Variants in ANTXR1 observed in about 807,000 individuals in gnomAD.
ANTXR1 encodes the protein ANTXR cell adhesion molecule 1.
Under a neutral mutation model 78.1 loss-of-function variants are expected in ANTXR1, and 19 were observed. The ratio of observed to expected loss-of-function variants is 0.24; its 90% CI spans 0.17 to 0.36. The LOEUF is 0.36. Among genes scored for constraint, ANTXR1 ranks in the 10% least tolerant of loss-of-function variants. ANTXR1 has a pLI of 1.00. For missense variants in ANTXR1, 518 were observed against 718.6 expected, an observed-to-expected ratio of 0.72 and a Z score of 3.19; for synonymous variants, 273 against 260.5, an observed-to-expected ratio of 1.05 and a Z score of -0.46.
At chr2:69,181,615 C>A (rs1674275547) in intron 14 of ANTXR1, among the ~76,000 whole-genome samples, 171 bp from the exon 15 acceptor site, 1 of 152,272 alleles carries the variant, frequency 6.6e-6, no homozygotes, top group East Asian at 1.9e-4. Context: ...ATAAGGAAAA[C>A]AAGCTTAGGT....
rs572597383 is a variant in ANTXR1, at chr2:69,136,442, A to C, written c.951+11799A>C. Among the ~76,000 whole-genome samples, 55 of 152,356 alleles carry C rather than the reference A, an allele frequency of 3.6e-4. 1 individual carries two copies. In the South Asian group the frequency reaches 4.3e-3, roughly 12 times the overall value. On this transcript the variant is annotated intron_variant, in intron 12 of 17. Coordinates refer to ENST00000303714, the MANE Select transcript of ANTXR1 (RefSeq NM_032208.3). The stretch of plus-strand genomic sequence containing the variant: ...ACATATAGATCATATTCTGGTGCCA[A>C]ATAAAAAACAATTGAAATCAATAGC...
chr2:69,080,247 C>T (rs928797881), intron 8 of ANTXR1, among the ~76,000 whole-genome samples: 13 of 152,140 alleles, frequency 8.5e-5, no homozygotes, highest in Non-Finnish European at 1.9e-4. Flanking sequence ...GAAATAATTA[C>T]GGCCTAAAAG....
At position 69,200,167 on chromosome 2, in the gene ANTXR1, T is replaced by G. The variant is rs570242247; in HGVS notation, c.1434+6752T>G. On this transcript the variant is annotated intron_variant, in intron 17 of 17. Transcript: ENST00000303714. The stretch of plus-strand genomic sequence containing the variant: ...ATGTCATCTGTTTTCAGATCTGGCA[T>G]CAGGAGGCCGGTACATTCCATTACT... Among the ~76,000 whole-genome samples, 6 of 152,282 alleles carry G rather than the reference T, an allele frequency of 3.9e-5. No individual in the cohort carries two copies. The East Asian group carries it at 1.2e-3, about 29-fold the overall frequency.
intron 16 of ANTXR1, among the ~76,000 whole-genome samples, chr2:69,185,166 C>G (rs546179387): frequency 1.3e-5 from 2 of 152,300 alleles, no homozygotes; most frequent in Non-Finnish European, 2.9e-5. Flanking sequence ...AATGGACATT[C>G]TTCGGCCCCA....
At chr2:69,170,968 G>T (rs1179038215) in intron 14 of ANTXR1, among the ~76,000 whole-genome samples, 2 of 152,230 alleles carry the variant, frequency 1.3e-5, no homozygotes, top group Non-Finnish European at 2.9e-5. Context: ...AGAGTGCCTA[G>T]CAAGTGGCTT....
At chr2:69,121,543 G>A (rs1285010161) in intron 10 of ANTXR1, among the ~76,000 whole-genome samples, 1 of 152,128 alleles carries the variant, frequency 6.6e-6, no homozygotes, top group African/African-American at 2.4e-5. Flanking sequence ...CCCATCCCAG[G>A]CAGCTTCCTA....
intron 17 of ANTXR1, among the ~76,000 whole-genome samples, chr2:69,239,148 T>C (rs1180599718): frequency 6.6e-6 from 1 of 152,190 alleles, no homozygotes; most frequent in Non-Finnish European, 1.5e-5. Context: ...AAAAATCTAA[T>C]GACCAACCAG....
intron 12 of ANTXR1, among the ~76,000 whole-genome samples, chr2:69,146,810 A>G (rs900540495): frequency 3.3e-5 from 5 of 152,226 alleles, no homozygotes; most frequent in African/African-American, 9.7e-5. Flanking sequence ...TCTGGCCCAG[A>G]TGGTCCCACT....
intron 17 of ANTXR1, among the ~76,000 whole-genome samples, chr2:69,228,931 G>A (rs948558262): frequency 1.3e-5 from 2 of 152,190 alleles, no homozygotes; most frequent in Admixed American, 6.5e-5. Flanking sequence ...GGAGACTGGA[G>A]GTCTGAGATC....
intron 3 of ANTXR1, among the ~76,000 whole-genome samples, chr2:69,062,637 G>A (rs983232659): frequency 2.6e-5 from 4 of 152,102 alleles, no homozygotes; most frequent in African/African-American, 9.7e-5. Context: ...ATATTATACC[G>A]AAGTCTCCAC....
chr2:69,081,992 C>T (rs1016696273), intron 8 of ANTXR1, among the ~76,000 whole-genome samples: 2 of 152,232 alleles, frequency 1.3e-5, no homozygotes, highest in African/African-American at 4.8e-5. Flanking sequence ...CCCGAATAGA[C>T]TCAAGTCTTT....
chr2:69,083,417 C>G, intron 8 of ANTXR1, among the ~76,000 whole-genome samples: 1 of 152,178 alleles, frequency 6.6e-6, no homozygotes, highest in East Asian at 1.9e-4. Context: ...CAAAGGCACC[C>G]TTCAGTCTTC....
At chr2:69,104,059 C>T (rs1308491772) in intron 10 of ANTXR1, among the ~76,000 whole-genome samples, 1 of 152,006 alleles carries the variant, frequency 6.6e-6, no homozygotes, top group East Asian at 1.9e-4. Flanking sequence ...CTGCCTCAGC[C>T]TCCTGAGTAG....
rs78641240 is a variant in ANTXR1, at chr2:69,071,835, G to A, written c.412+48G>A. ...CATTATGAATTATTTAACTTTTTCC[G>A]TGTTTGTTGCTGAAAAAGTGCTTCA... On this transcript the variant is annotated intron_variant, in intron 5 of 17. Coordinates refer to ENST00000303714, the MANE Select transcript of ANTXR1 (RefSeq NM_032208.3). 1,881 of 1,568,790 alleles carry A rather than the reference G, an allele frequency of 1.2e-3. 45 individuals are homozygous for A. In the East Asian group the frequency reaches 0.035, roughly 29 times the overall value.
At chr2:69,197,113 C>T (rs750122331) in intron 17 of ANTXR1, among the ~76,000 whole-genome samples, 24 of 152,214 alleles carry the variant, frequency 1.6e-4, no homozygotes, top group Non-Finnish European at 2.2e-4. Context: ...TTTTTGCCTG[C>T]GGTGGGCTCA....
chr2:69,093,513 T>G (rs1380809071), intron 9 of ANTXR1, among the ~76,000 whole-genome samples: 2 of 152,288 alleles, frequency 1.3e-5, no homozygotes, highest in African/African-American at 4.8e-5. Context: ...GAAATACCAG[T>G]GTCCACAGGA....
At chr2:69,073,438 T>G (rs1465489539) in intron 6 of ANTXR1, among the ~76,000 whole-genome samples, 1 of 152,202 alleles carries the variant, frequency 6.6e-6, no homozygotes, top group Non-Finnish European at 1.5e-5. Flanking sequence ...ATTGATATAA[T>G]TTTTCCTTAT....
intron 13 of ANTXR1, among the ~76,000 whole-genome samples, chr2:69,160,740 G>A (rs1673659017): frequency 6.6e-6 from 1 of 152,166 alleles, no homozygotes; most frequent in Admixed American, 6.5e-5. Context: ...ACTTCTCAGA[G>A]TCATTAATAG....
chr2:69,237,101 C>T (rs1675784083), intron 17 of ANTXR1, among the ~76,000 whole-genome samples: 1 of 152,140 alleles, frequency 6.6e-6, no homozygotes, highest in Non-Finnish European at 1.5e-5. Context: ...TTACACATGT[C>T]CCACTAAAGA....
Sources: allele counts gnomAD v4.1 joint callset (sites outside exome capture counted in the v4.1 genomes callset), GRCh38; gene constraint gnomAD v4.1.1; transcripts MANE v1.5; gene names NCBI Gene and HGNC (gene_info 2026-07-23, HGNC 2026-07-21).